The following RFX8 variants were observed in gnomAD, a reference collection of about 807,000 sequenced individuals.
RFX8 encodes the protein DNA-binding protein RFX8.
In RFX8, 46 loss-of-function variants were observed where a neutral mutation model predicts 54.6. The ratio of observed to expected loss-of-function variants is 0.84; its 90% confidence interval spans 0.67 to 1.08. The LOEUF is 1.08. Ranked by LOEUF, RFX8 falls within the 50% of genes least tolerant of loss-of-function variation. RFX8 has a pLI of 0.00. For missense variants in RFX8, 536 were observed against 562.3 expected, an observed-to-expected ratio of 0.95 and a Z score of 0.47; for synonymous variants, 192 against 209.5, an observed-to-expected ratio of 0.92 and a Z score of 0.72.
intron 5 of RFX8, among the ~76,000 whole-genome samples, chr2:101,418,469 T>C (rs1339802790): frequency 6.6e-6 from 1 of 152,182 alleles, no homozygotes; most frequent in Non-Finnish European, 1.5e-5. Flanking sequence ...ACAATCACTT[T>C]AGAGATAGAG....
At chr2:101,438,166 G>C (rs1573431511) in intron 2 of RFX8, among the ~76,000 whole-genome samples, 1 of 151,762 alleles carries the variant, frequency 6.6e-6, no homozygotes, top group East Asian at 1.9e-4. Context: ...ACCACTTCAA[G>C]CATTTATCAT....
intron 2 of RFX8, among the ~76,000 whole-genome samples, chr2:101,450,894 G>C (rs1456042798): frequency 6.6e-6 from 1 of 152,176 alleles, no homozygotes; most frequent in Admixed American, 6.5e-5. Flanking sequence ...CCTTGAAATA[G>C]GCTTGTGGAG....
At chr2:101,402,355 G>T in intron 11 of RFX8, 81 bp downstream of exon 11, 1 of 1,172,156 alleles carries the variant, frequency 8.5e-7, no homozygotes, top group Non-Finnish European at 1.2e-6. Context: ...TGGACAAAGT[G>T]ATCTTGAGGG....
At chr2:101,407,140 CAT>C (rs1304220461) in intron 9 of RFX8, among the ~76,000 whole-genome samples, 1 of 152,222 alleles carries the variant, frequency 6.6e-6, no homozygotes, top group African/African-American at 2.4e-5. Context: ...AGCTCCACCA[CAT>C]GTCTTTGAGG....
In RFX8 at chr2:101,417,678, C is replaced by T; in HGVS notation, c.358G>A (p.Glu120Lys). 6.5e-7 allele frequency: 1 copy of T among 1,546,628 alleles called. No individual in the cohort carries two copies. Among genetic ancestry groups the T allele is most frequent in the Non-Finnish European group, 8.7e-7 (1 of 1,144,822 alleles). Residue 120 changes from glutamate (E) to lysine (K), a missense_variant, in exon 6 of 12, where the codon GAG becomes AAG. Transcript: ENST00000428343. ...AAGAAGTCATGAAGGAGAACATCCT[C>T]AATTCCCTACAACAAAAGTAACAAG... ...CYDVQLYKGI[E>K]DVLLHDFLED...
chr2:101,459,540 C>T (rs961205258), intron 2 of RFX8, among the ~76,000 whole-genome samples: 3 of 152,174 alleles, frequency 2.0e-5, no homozygotes, highest in Non-Finnish European at 2.9e-5. Flanking sequence ...GTATCACCAG[C>T]AGAGGCTGCA....
intron 2 of RFX8, among the ~76,000 whole-genome samples, chr2:101,462,076 G>C (rs373563176): frequency 6.6e-6 from 1 of 152,134 alleles, no homozygotes. Context: ...GATATGGATG[G>C]GGACTTATGG....
intron 7 of RFX8, among the ~76,000 whole-genome samples, chr2:101,413,857 G>A (rs751954211): frequency 1.1e-4 from 16 of 152,174 alleles, no homozygotes; most frequent in Non-Finnish European, 2.2e-4. Context: ...ACCCCGCTGA[G>A]CTCAGATTCT....
At chr2:101,401,095 A>G (rs940263222) in intron 11 of RFX8, among the ~76,000 whole-genome samples, 1 of 152,118 alleles carries the variant, frequency 6.6e-6, no homozygotes, top group Admixed American at 6.5e-5. Context: ...TCACATGGAC[A>G]CTCGTGGAGG....
chr2:101,407,538 A>G (rs1685807953), intron 9 of RFX8, among the ~76,000 whole-genome samples: 1 of 152,106 alleles, frequency 6.6e-6, no homozygotes, highest in Non-Finnish European at 1.5e-5. Context: ...CTAAAAATAC[A>G]AAAATTAGCT....
At position 101,467,205 on chromosome 2, in the gene RFX8, C is replaced by T. The variant is rs191772147; in HGVS notation, c.-52-305G>A. 5.8e-3 allele frequency among the ~76,000 whole-genome samples: 889 copies of T among 152,286 alleles called. 9 individuals are homozygous for T. The highest frequency in any genetic ancestry group is 0.021 in the African/African-American group (859 of 41,542). ...AAGTTCAAATTAGGACTTCAGCAGA[C>T]GCTGTTTCATAGACCTTTACAAAGG... is the stretch of plus-strand genomic sequence containing the variant. On this transcript the variant is annotated intron_variant, in intron 1 of 11. Transcript: ENST00000428343.
At chr2:101,455,414 A>T (rs1186489893) in intron 2 of RFX8, among the ~76,000 whole-genome samples, 4 of 152,356 alleles carry the variant, frequency 2.6e-5, no homozygotes, top group Admixed American at 1.3e-4. Flanking sequence ...GAAGGGATCC[A>T]GCTTCAGCTT....
chr2:101,464,961 G>C (rs1689494922), intron 2 of RFX8, among the ~76,000 whole-genome samples: 1 of 152,166 alleles, frequency 6.6e-6, no homozygotes, highest in Non-Finnish European at 1.5e-5. Flanking sequence ...ATGGGAAAAG[G>C]CTGCAGGGCC....
Position 101,466,777 on chromosome 2 carries a change from C to T in RFX8, c.72G>A (p.Lys24=), listed in dbSNP as rs1485026296. 1 of 1,549,636 alleles carries T rather than the reference C, an allele frequency of 6.5e-7. No homozygotes were observed. Among genetic ancestry groups the T allele is most frequent in the Admixed American group, 2.0e-5 (1 of 50,984 alleles). The change falls in exon 2 of 12, where the codon AAG becomes AAA. Residue 24 remains lysine, a splice_region_variant and synonymous_variant. Transcript: ENST00000428343. The part of the protein sequence containing the change: ...ENQVNPATFG[K]CEDHSPMKTD... ...GCGTTCTTAATCTTCAACAACTTAC[C>T]TTCCCAAAGGTGGCCGGGTTGACTT... is the stretch of plus-strand genomic sequence containing the variant.
chr2:101,427,707 G>A (rs953090546), intron 2 of RFX8, among the ~76,000 whole-genome samples: 4 of 151,900 alleles, frequency 2.6e-5, no homozygotes, highest in Non-Finnish European at 5.9e-5. Context: ...CCCCTCTCCC[G>A]GACCCCCAAT....
intron 2 of RFX8, among the ~76,000 whole-genome samples, chr2:101,423,881 G>A (rs528050434): frequency 6.6e-6 from 1 of 152,222 alleles, no homozygotes; most frequent in South Asian, 2.1e-4. Flanking sequence ...ACTGCATTGA[G>A]GATCACAGAA....
chr2:101,436,448 A>C (rs1687788834), intron 2 of RFX8, among the ~76,000 whole-genome samples: 1 of 152,054 alleles, frequency 6.6e-6, no homozygotes, highest in Admixed American at 6.6e-5. Flanking sequence ...GATTTGGGAG[A>C]GCTTGTATGT....
At chr2:101,435,301 TGA>T (rs1687716860) in intron 2 of RFX8, among the ~76,000 whole-genome samples, 1 of 152,100 alleles carries the variant, frequency 6.6e-6, no homozygotes, top group Admixed American at 6.5e-5. Context: ...GCTGACACGG[TGA>T]GAGAGGAAAG....
intron 2 of RFX8, among the ~76,000 whole-genome samples, chr2:101,449,670 G>C (rs1471405277): frequency 6.6e-6 from 1 of 152,150 alleles, no homozygotes; most frequent in Non-Finnish European, 1.5e-5. Context: ...ATGTCCAGTA[G>C]AGAGCCAGGG....
Sources: allele counts gnomAD v4.1 joint callset (sites outside exome capture counted in the v4.1 genomes callset), GRCh38; gene constraint gnomAD v4.1.1; transcripts MANE v1.5; gene names NCBI Gene and HGNC (gene_info 2026-07-23, HGNC 2026-07-21).